PTPRN2: variants seen among roughly 807,000 people sequenced by gnomAD.
PTPRN2 encodes protein tyrosine phosphatase receptor type N2.
Under a neutral mutation model 118.8 loss-of-function variants are expected in PTPRN2, and 74 were observed. That is an observed-to-expected ratio of 0.62 (90% confidence interval 0.52 to 0.76). The LOEUF (loss-of-function observed/expected upper bound fraction) is 0.76, where lower values mean the gene tolerates loss of function less well. PTPRN2 is among the 30% of genes least tolerant of loss of function. The pLI, the probability that PTPRN2 is intolerant of heterozygous loss-of-function variation, is 0.00. For synonymous variants in PTPRN2, 641 were observed against 608.0 expected (o/e 1.05, Z -0.80); for missense variants, 1,481 against 1,394.4 (o/e 1.06, Z -0.99).
rs1438811697 is a variant in PTPRN2 at position 157,615,145 on chromosome 7, C to T, written c.2344+6217G>A. Among the ~76,000 whole-genome samples the T allele has an allele frequency of 6.6e-6, 1 of 152,382 alleles. No homozygotes were observed. Among genetic ancestry groups the T allele is most frequent in the East Asian group, 1.9e-4 (1 of 5,192 alleles). On this transcript the variant is annotated intron_variant, in intron 15 of 22. Transcript: ENST00000389418. This position sits in a 1 kb window ranked among gnomAD's most constrained non-coding sequence, Gnocchi z 4.3. ...GCAGGTCACGCTAATACGGCCAACA[C>T]TGGGCGGCTGGCCAGCGTGGGTGGT...
intron 11 of PTPRN2, chr7:158,027,682 C>G (rs1258929637): frequency 1.3e-5 from 2 of 152,276 alleles, no homozygotes; most frequent in Non-Finnish European, 2.9e-5. Context: ...CCCAGCCTCA[C>G]TTTCTAAAAA....
intron 12 of PTPRN2, among the ~76,000 whole-genome samples, chr7:157,807,427 T>C (rs917521654): frequency 6.6e-6 from 1 of 152,188 alleles, no homozygotes; most frequent in Non-Finnish European, 1.5e-5. Flanking sequence ...CTTGTCATGC[T>C]GTGGCCAAGG....
At chr7:157,894,822 T>G (rs1199572599) in intron 12 of PTPRN2, among the ~76,000 whole-genome samples, 3 of 152,176 alleles carry the variant, frequency 2.0e-5, no homozygotes, top group African/African-American at 7.2e-5. Context: ...GGGAGGGGGC[T>G]GAACCCCAGA....
At chr7:158,066,620 C>T (rs116235633) in intron 11 of PTPRN2, among the ~76,000 whole-genome samples, 17 of 152,238 alleles carry the variant, frequency 1.1e-4, no homozygotes, top group African/African-American at 2.6e-4. Context: ...TACAGGAGAA[C>T]GTTAACGCTA....
At chr7:158,139,816 C>T (rs1006971028) in intron 6 of PTPRN2, among the ~76,000 whole-genome samples, 3 of 152,162 alleles carry the variant, frequency 2.0e-5, no homozygotes, top group African/African-American at 4.8e-5. Context: ...AGGCATTTGA[C>T]GTTACAGATA....
chr7:157,847,692 T>G (rs1808951138), intron 12 of PTPRN2, among the ~76,000 whole-genome samples: 1 of 144,606 alleles, frequency 6.9e-6, no homozygotes, highest in Non-Finnish European at 1.5e-5. Flanking sequence ...TTTACAGATG[T>G]TTACAGAGCG....
intron 2 of PTPRN2, among the ~76,000 whole-genome samples, chr7:158,483,821 T>C (rs1284053129): frequency 6.6e-6 from 1 of 152,214 alleles, no homozygotes; most frequent in East Asian, 1.9e-4. Flanking sequence ...ATAATTCATA[T>C]ACCACATAAC....
chr7:158,203,995 G>C (rs917474029), intron 4 of PTPRN2, among the ~76,000 whole-genome samples: 4 of 148,036 alleles, frequency 2.7e-5, no homozygotes, highest in East Asian at 4.3e-4. Flanking sequence ...TGTGCGCCAT[G>C]TTCTGGGGAA....
chr7:158,214,501 AT>A (rs1685947105), intron 3 of PTPRN2, among the ~76,000 whole-genome samples: 1 of 152,014 alleles, frequency 6.6e-6, no homozygotes, highest in Non-Finnish European at 1.5e-5. Context: ...AAAATATTAG[AT>A]ATTAACAGCT....
At chr7:158,150,444 G>T (rs944232857) in intron 6 of PTPRN2, among the ~76,000 whole-genome samples, 2 of 152,182 alleles carry the variant, frequency 1.3e-5, no homozygotes, top group Non-Finnish European at 2.9e-5. Flanking sequence ...CTGCCGCCCT[G>T]ACCTGGCACT....
At chr7:158,280,796 T>C (rs1799371945) in intron 3 of PTPRN2, among the ~76,000 whole-genome samples, 1 of 151,996 alleles carries the variant, frequency 6.6e-6, no homozygotes, top group South Asian at 2.1e-4. Context: ...CTGTCTAAAG[T>C]AGAGAAATAG....
At chr7:157,919,901 G>T (rs1243467583) in intron 11 of PTPRN2, among the ~76,000 whole-genome samples, 1 of 152,180 alleles carries the variant, frequency 6.6e-6, no homozygotes, top group Admixed American at 6.5e-5. Context: ...AAGCCACAGT[G>T]CAAAGCATTA....
intron 2 of PTPRN2, among the ~76,000 whole-genome samples, chr7:158,479,677 A>G (rs1023629384): frequency 2.0e-5 from 3 of 152,266 alleles, no homozygotes; most frequent in Non-Finnish European, 4.4e-5. Context: ...TCTGTGAATC[A>G]CAAACCACTC....
chr7:158,262,076 G>A (rs116030675), intron 3 of PTPRN2, among the ~76,000 whole-genome samples: 3,172 of 152,228 alleles, frequency 0.021, 108 homozygotes, highest in African/African-American at 0.072. Context: ...GGTTCCCAGA[G>A]CACGAAGAGC....
At chr7:158,367,064 G>T (rs1487687377) in intron 2 of PTPRN2, among the ~76,000 whole-genome samples, 1 of 152,174 alleles carries the variant, frequency 6.6e-6, no homozygotes, top group Non-Finnish European at 1.5e-5. Context: ...TAAGTTGCCA[G>T]GAAAGGCAAC....
At chr7:158,474,220 C>T (rs1820077365) in intron 2 of PTPRN2, among the ~76,000 whole-genome samples, 1 of 152,176 alleles carries the variant, frequency 6.6e-6, no homozygotes, top group Admixed American at 6.5e-5. Context: ...ACTCCACATT[C>T]AAAACTTGCT....
chr7:157,834,109 C>G (rs1807772781), intron 12 of PTPRN2, among the ~76,000 whole-genome samples: 1 of 150,848 alleles, frequency 6.6e-6, no homozygotes, highest in Non-Finnish European at 1.5e-5. Context: ...ACCCACCAAT[C>G]AGTGAGCCAG....
chr7:157,753,563 C>T (rs1233741133), intron 12 of PTPRN2, among the ~76,000 whole-genome samples: 1 of 152,206 alleles, frequency 6.6e-6, no homozygotes, highest in Non-Finnish European at 1.5e-5. Context: ...GTGACCCTTC[C>T]TCCAACACCC....
intron 11 of PTPRN2, among the ~76,000 whole-genome samples, chr7:158,010,590 A>G (rs1212587687): frequency 6.6e-6 from 1 of 152,240 alleles, no homozygotes; most frequent in Non-Finnish European, 1.5e-5. Flanking sequence ...AACTATGGAA[A>G]AAAATTCAAG....
Sources: allele counts gnomAD v4.1 joint callset (sites outside exome capture counted in the v4.1 genomes callset), GRCh38; gene constraint gnomAD v4.1.1; non-coding constraint Gnocchi (gnomAD v3.1); transcripts MANE v1.5; gene names NCBI Gene and HGNC (gene_info 2026-07-23, HGNC 2026-07-21).